Variants in MAST4 observed in about 807,000 individuals in gnomAD.
The protein encoded by MAST4 is microtubule associated serine/threonine kinase family member 4.
MAST4 carries 89 observed loss-of-function variants against 162.7 expected under a neutral mutation model. That is an observed-to-expected ratio of 0.55 (90% CI 0.46 to 0.65). The LOEUF (loss-of-function observed/expected upper bound fraction) is 0.65, where lower values mean the gene tolerates loss of function less well. Ranked by LOEUF, MAST4 falls within the 30% of genes least tolerant of loss-of-function variation. MAST4 has a pLI of 0.00. For synonymous variants in MAST4, 1,479 were observed against 1,361.1 expected (o/e 1.09, Z -1.91); for missense variants, 3,153 against 3,374.0 (o/e 0.93, Z 1.62).
chr5:66,654,527 A>G (rs968318799), intron 1 of MAST4, among the ~76,000 whole-genome samples: 20 of 152,246 alleles, frequency 1.3e-4, no homozygotes, highest in Non-Finnish European at 2.9e-4. Flanking sequence ...AAATGAGATA[A>G]GGGAAATGTT....
intron 4 of MAST4, among the ~76,000 whole-genome samples, chr5:66,999,892 A>C (rs1303689241): frequency 6.6e-6 from 1 of 152,124 alleles, no homozygotes; most frequent in Non-Finnish European, 1.5e-5. Context: ...ATTGTTGTCT[A>C]TCTTTTTATC....
intron 3 of MAST4, among the ~76,000 whole-genome samples, chr5:66,830,825 T>G (rs1362716953): frequency 6.6e-6 from 1 of 152,212 alleles, no homozygotes; most frequent in African/African-American, 2.4e-5. Flanking sequence ...TAACGCCACC[T>G]AGTGAATTTA....
intron 3 of MAST4, among the ~76,000 whole-genome samples, chr5:66,879,105 C>T (rs1458401042): frequency 6.6e-6 from 1 of 152,044 alleles, no homozygotes; most frequent in African/African-American, 2.4e-5. Context: ...TGGTGAAACC[C>T]TGTCTCTACT....
At chr5:66,699,724 C>T (rs1419266309) in intron 1 of MAST4, among the ~76,000 whole-genome samples, 1 of 150,082 alleles carries the variant, frequency 6.7e-6, no homozygotes, top group Non-Finnish European at 1.5e-5. Flanking sequence ...AACACATGGA[C>T]ACAGGGAGGG....
intron 4 of MAST4, among the ~76,000 whole-genome samples, chr5:67,026,250 G>A (rs954262726): frequency 6.6e-6 from 1 of 152,158 alleles, no homozygotes; most frequent in African/African-American, 2.4e-5. Flanking sequence ...TACCACCTTC[G>A]ATGCTACATT....
At chr5:67,127,525 A>G (rs1160826498) in intron 14 of MAST4, among the ~76,000 whole-genome samples, 2 of 152,214 alleles carry the variant, frequency 1.3e-5, no homozygotes, top group East Asian at 1.9e-4. Context: ...TGTTTTGGTG[A>G]TGGATTACGT....
At position 67,168,856 on chromosome 5, in the gene MAST4, G is replaced by C. The variant is rs763633000; in HGVS notation, c.*1805G>C. On this transcript the variant is annotated 3_prime_UTR_variant, in exon 29 of 29. Transcript: ENST00000403625. ...GCATAACTTAACCGACTGCTCAGTT[G>C]TCCTTCGTTGTAAAATGAATTGGCT... The C allele has an allele frequency of 1.3e-5, 2 of 151,950 alleles. No individual in the cohort carries two copies. The highest frequency in any genetic ancestry group is 1.5e-5 in the Non-Finnish European group (1 of 68,002). 9.4% of individuals were successfully genotyped at this position (151,950 alleles called of 1,614,324 possible). A position where few individuals can be genotyped will look rare whatever the true frequency, so the allele number is the denominator to read the frequency against.
chr5:66,718,943 G>T (rs934217740), intron 1 of MAST4, among the ~76,000 whole-genome samples: 27 of 152,226 alleles, frequency 1.8e-4, no homozygotes, highest in African/African-American at 6.0e-4. Context: ...TAACCATGTA[G>T]ACTGTAACTT....
intron 3 of MAST4, among the ~76,000 whole-genome samples, chr5:66,893,392 G>A (rs1037662505): frequency 4.0e-5 from 6 of 151,056 alleles, no homozygotes; most frequent in Non-Finnish European, 1.5e-5. Flanking sequence ...TTGTGTGTGT[G>A]TGTGTGTCTT....
At position 66,615,990 on chromosome 5, in the gene MAST4, C is replaced by T. The variant is rs540955917; in HGVS notation, c.363+18972C>T. On this transcript the variant is annotated intron_variant, in intron 1 of 28. Coordinates refer to ENST00000403625, the MANE Select transcript of MAST4 (RefSeq NM_001164664.2). Reference sequence around the variant, plus strand: ...CTTGCCGTGTTGTGATGTTTTCTCCCCTTTCCAGTCTGCCAGCTACATGAG... The same window carrying T: ...CTTGCCGTGTTGTGATGTTTTCTCCTCTTTCCAGTCTGCCAGCTACATGAG... Among the ~76,000 whole-genome samples, 14 of 152,308 alleles carry T rather than the reference C, an allele frequency of 9.2e-5. No homozygotes were observed. The East Asian group carries it at 2.7e-3, about 29-fold the overall frequency.
chr5:66,710,420 G>A (rs535709974), intron 1 of MAST4, among the ~76,000 whole-genome samples: 1 of 152,272 alleles, frequency 6.6e-6, no homozygotes, highest in South Asian at 2.1e-4. Context: ...GACCTTGTTA[G>A]ATGGCTGGGA....
intron 3 of MAST4, among the ~76,000 whole-genome samples, chr5:66,836,944 A>G (rs1166131221): frequency 6.6e-6 from 1 of 152,114 alleles, no homozygotes; most frequent in Admixed American, 6.6e-5. Context: ...AATAAAAGTT[A>G]AAAAAGCAAA....
At chr5:66,890,458 A>T (rs368545466) in intron 3 of MAST4, among the ~76,000 whole-genome samples, 1 of 152,188 alleles carries the variant, frequency 6.6e-6, no homozygotes, top group African/African-American at 2.4e-5. Context: ...ACTAGAAAGG[A>T]AGCTTGTTTC....
chr5:66,838,246 T>G (rs1758167360), intron 3 of MAST4, among the ~76,000 whole-genome samples: 1 of 152,250 alleles, frequency 6.6e-6, no homozygotes, highest in South Asian at 2.1e-4. Context: ...TGCCTGTGAT[T>G]TGGAAACCTT....
chr5:66,895,210 G>A (rs1165620863), intron 3 of MAST4, among the ~76,000 whole-genome samples: 1 of 152,150 alleles, frequency 6.6e-6, no homozygotes, highest in African/African-American at 2.4e-5. Context: ...TTGCTTTCAA[G>A]AACCCCAGCT....
chr5:67,156,756 G>C (rs1288585530), intron 26 of MAST4, among the ~76,000 whole-genome samples: 1 of 152,218 alleles, frequency 6.6e-6, no homozygotes, highest in East Asian at 1.9e-4. Context: ...TGAAGGGGTT[G>C]AGGCCGCAGG....
chr5:66,858,859 T>C (rs1342091370), intron 3 of MAST4, among the ~76,000 whole-genome samples: 1 of 152,202 alleles, frequency 6.6e-6, no homozygotes, highest in Admixed American at 6.5e-5. Flanking sequence ...TTTCACTATA[T>C]AGATGTTGTT....
At chr5:67,075,225 C>T (rs1761491293) in intron 5 of MAST4, among the ~76,000 whole-genome samples, 1 of 146,134 alleles carries the variant, frequency 6.8e-6, no homozygotes, top group Admixed American at 7.0e-5. Context: ...AGCTGGAGTG[C>T]AATGGCATGA....
intron 1 of MAST4, among the ~76,000 whole-genome samples, chr5:66,677,795 G>C (rs1168221872): frequency 6.6e-6 from 1 of 152,128 alleles, no homozygotes; most frequent in African/African-American, 2.4e-5. Context: ...ATCTGCAGAG[G>C]TTTGGAGGAG....
Sources: allele counts gnomAD v4.1 joint callset (sites outside exome capture counted in the v4.1 genomes callset), GRCh38; gene constraint gnomAD v4.1.1; transcripts MANE v1.5; gene names NCBI Gene and HGNC (gene_info 2026-07-23, HGNC 2026-07-21).